GLI2: variants seen among roughly 807,000 people sequenced by gnomAD.
The protein encoded by GLI2 is transcription activator GLI2.
In GLI2, 22 loss-of-function variants were observed where a neutral mutation model predicts 78.9. The ratio of observed to expected loss-of-function variants is 0.28; its 90% CI spans 0.20 to 0.40. The LOEUF is 0.40. GLI2 is among the 10% of genes least tolerant of loss of function. GLI2 has a pLI of 1.00. For synonymous variants in GLI2, 974 were observed against 963.7 expected (o/e 1.01, Z -0.20); for missense variants, 2,097 against 2,213.2 (o/e 0.95, Z 1.05).
chr2:120,942,258 G>A (rs1201804900), intron 3 of GLI2, among the ~76,000 whole-genome samples: 1 of 152,188 alleles, frequency 6.6e-6, no homozygotes, highest in East Asian at 1.9e-4. Flanking sequence ...GAGGTCAGAA[G>A]TCCAAAATCA....
chr2:120,940,016 T>G (rs1381143026), intron 3 of GLI2, among the ~76,000 whole-genome samples: 2 of 152,256 alleles, frequency 1.3e-5, no homozygotes. Flanking sequence ...GTTTCCCTTA[T>G]TGCTAATGAA....
At chr2:120,861,390 C>T (rs1687893945) in intron 2 of GLI2, among the ~76,000 whole-genome samples, 1 of 152,224 alleles carries the variant, frequency 6.6e-6, no homozygotes, top group African/African-American at 2.4e-5. Flanking sequence ...TAGTATGGCC[C>T]TTGGATGGGC....
intron 2 of GLI2, among the ~76,000 whole-genome samples, chr2:120,921,248 G>T (rs972261523): frequency 6.6e-6 from 1 of 150,856 alleles, no homozygotes; most frequent in African/African-American, 2.5e-5. Flanking sequence ...GTGTGTGCAC[G>T]TGTGTGCATG....
intron 1 of GLI2, among the ~76,000 whole-genome samples, chr2:120,774,935 G>A (rs756961910): frequency 7.9e-5 from 12 of 152,154 alleles, no homozygotes; most frequent in African/African-American, 2.9e-4. Context: ...CCCAAAGCCC[G>A]GGCTCCCATG....
In GLI2 at chr2:120,951,393, C is replaced by G. The variant is rs750668915; in HGVS notation, c.405C>G (p.Ser135Arg). ...AGCACTACCTCCGTTCTGTGCACAG[C>G]AGCCCCACGCTCTCCATGATCTCTG... ...HMEHYLRSVH[S>R]SPTLSMISAA... The change falls in exon 4 of 14, where the codon AGC (serine) becomes AGG (arginine). Residue 135 changes from serine to arginine, a missense_variant. This residue lies in a region of GLI2 where 578 missense variants were observed against 612.0 expected (regional missense o/e 0.94). Transcript: ENST00000361492. 6.2e-7 allele frequency: 1 copy of G among 1,613,292 alleles called. No homozygotes were observed. Among genetic ancestry groups the G allele is most frequent in the East Asian group, 2.2e-5 (1 of 44,858 alleles).
At chr2:120,746,242 C>T (rs1381793409) in intron 1 of GLI2, among the ~76,000 whole-genome samples, 2 of 152,210 alleles carry the variant, frequency 1.3e-5, no homozygotes, top group East Asian at 3.9e-4. Flanking sequence ...GCTTCTGGGT[C>T]CCAAGCCTGC....
intron 2 of GLI2, among the ~76,000 whole-genome samples, chr2:120,884,052 A>G (rs1677282851): frequency 1.3e-5 from 2 of 152,236 alleles, no homozygotes; most frequent in African/African-American, 4.8e-5. Flanking sequence ...GGGCAGCCCC[A>G]GCCCTGGGGG....
At position 120,991,652 on chromosome 2, in the gene GLI2, A is replaced by G. The variant is rs1000116291; in HGVS notation, c.*977A>G. On this transcript the variant is annotated 3_prime_UTR_variant, in exon 14 of 14. Transcript: ENST00000361492. Reference sequence around the variant, plus strand: ...GTGTTTACCCAATCCTGTTTCTCCAATGCAACGTCCACCCACTTTACCACC... The same window carrying G: ...GTGTTTACCCAATCCTGTTTCTCCAGTGCAACGTCCACCCACTTTACCACC... 2.6e-5 allele frequency: 4 copies of G among 152,644 alleles called. No homozygotes were observed. Among genetic ancestry groups the G allele is most frequent in the Admixed American group, 6.5e-5 (1 of 15,272 alleles). The allele number at this position is 152,644 out of a possible 1,614,324, so 9.5% of individuals were successfully genotyped here. A position where few individuals can be genotyped will look rare whatever the true frequency, so the allele number is the denominator to read the frequency against.
chr2:120,941,919 G>C (rs192258675), intron 3 of GLI2, among the ~76,000 whole-genome samples: 1 of 152,170 alleles, frequency 6.6e-6, no homozygotes. Flanking sequence ...GGGAAAGCCC[G>C]CTCCACAGCC....
At chr2:120,936,597 C>T (rs1401273493) in intron 3 of GLI2, among the ~76,000 whole-genome samples, 1 of 152,220 alleles carries the variant, frequency 6.6e-6, no homozygotes, top group East Asian at 1.9e-4. Flanking sequence ...CGCCATGGTT[C>T]TCAGGGCTGC....
intron 6 of GLI2, among the ~76,000 whole-genome samples, chr2:120,969,470 A>T (rs1682029121): frequency 6.6e-6 from 1 of 152,244 alleles, no homozygotes; most frequent in East Asian, 1.9e-4. Context: ...GGAGTTAGGA[A>T]TGTCAGGAGA....
intron 1 of GLI2, among the ~76,000 whole-genome samples, chr2:120,753,224 T>C (rs954551002): frequency 6.6e-6 from 1 of 151,954 alleles, no homozygotes; most frequent in Non-Finnish European, 1.5e-5. Context: ...GCCTCCCAAG[T>C]AGCTGGGATT....
rs529408290 is a variant in GLI2 at position 120,806,773 on chromosome 2, G to A, written c.148+9305G>A. Among the ~76,000 whole-genome samples, 79 of 152,320 alleles carry A rather than the reference G, an allele frequency of 5.2e-4. 1 individual carries two copies. The highest frequency in any genetic ancestry group is 1.9e-3 in the African/African-American group (77 of 41,568). On this transcript the variant is annotated intron_variant, in intron 2 of 13. Transcript: ENST00000361492. ...GAAGTCTCTTTGAATGGACATTGAGGGGTAAGGAGGGAAAGCGCCATTTGA... is the reference window on the plus strand; with the variant it reads ...GAAGTCTCTTTGAATGGACATTGAGAGGTAAGGAGGGAAAGCGCCATTTGA...
Position 120,774,128 on chromosome 2 carries a change from C to T in GLI2, c.-30-23163C>T, listed in dbSNP as rs971990198. ...GCATTGGAGGCAGTGTGGATGCGGC[C>T]GCCCTGCTGTCTGTCCAGATCTCAA... On this transcript the variant is annotated intron_variant, in intron 1 of 13. Transcript: ENST00000361492. Among the ~76,000 whole-genome samples the T allele has an allele frequency of 3.9e-5, 6 of 152,062 alleles. 1 individual carries two copies. The South Asian group carries it at 6.2e-4, about 16-fold the overall frequency.
At chr2:120,852,566 C>T (rs935794469) in intron 2 of GLI2, among the ~76,000 whole-genome samples, 8 of 152,164 alleles carry the variant, frequency 5.3e-5, no homozygotes, top group Non-Finnish European at 1.0e-4. Context: ...ATTCCAGAGG[C>T]AGGGCCGCCT....
Position 120,800,502 on chromosome 2 carries a change from T to A in GLI2, c.148+3034T>A, listed in dbSNP as rs972252760. On this transcript the variant is annotated intron_variant, in intron 2 of 13. Coordinates refer to ENST00000361492, the MANE Select transcript of GLI2 (RefSeq NM_001374353.1). The surrounding 1 kb of genome is among the most constrained non-coding windows in gnomAD (Gnocchi z 4.1). ...TTATTATTATTATTATTTTATTTTTTATTTTTATTTATTTATTTTTTTGAG... is the reference window on the plus strand; with the variant it reads ...TTATTATTATTATTATTTTATTTTTAATTTTTATTTATTTATTTTTTTGAG... 1.3e-5 allele frequency among the ~76,000 whole-genome samples: 2 copies of A among 150,198 alleles called. No homozygotes were observed. The highest frequency in any genetic ancestry group is 2.4e-5 in the African/African-American group (1 of 40,988).
chr2:120,840,695 C>T (rs927285018), intron 2 of GLI2, among the ~76,000 whole-genome samples: 1 of 152,194 alleles, frequency 6.6e-6, no homozygotes, highest in African/African-American at 2.4e-5. Context: ...GCCCGTTTCC[C>T]AGCAGAGGCG....
chr2:120,838,213 G>T (rs1686706889), intron 2 of GLI2, among the ~76,000 whole-genome samples: 1 of 152,014 alleles, frequency 6.6e-6, no homozygotes, highest in South Asian at 2.1e-4. Flanking sequence ...TTATTCATAA[G>T]TATTCTGAAG....
In GLI2 at chr2:120,965,619, A is replaced by G. The variant is rs190789575; in HGVS notation, c.644-3095A>G. ...TGCAGATGCTGCGGCAGAAGGGCAC[A>G]CTCCAGCCGGGATGCAGATGCTGCG... On this transcript the variant is annotated intron_variant, in intron 5 of 13. Coordinates refer to ENST00000361492, the MANE Select transcript of GLI2 (RefSeq NM_001374353.1). Among the ~76,000 whole-genome samples, 176 of 136,256 alleles carry G rather than the reference A, an allele frequency of 1.3e-3. 14 individuals carry two copies. Among genetic ancestry groups the G allele is most frequent in the Middle Eastern group, 8.8e-3 (2 of 226 alleles). 89.4% of individuals were successfully genotyped at this position (136,256 alleles called of 152,430 possible).
Sources: allele counts gnomAD v4.1 joint callset (sites outside exome capture counted in the v4.1 genomes callset), GRCh38; gene constraint gnomAD v4.1.1; regional missense constraint gnomAD v4.1.1; non-coding constraint Gnocchi (gnomAD v3.1); transcripts MANE v1.5; gene names NCBI Gene and HGNC (gene_info 2026-07-23, HGNC 2026-07-21).